SPTBN1: variants seen among roughly 807,000 people sequenced by gnomAD.
SPTBN1 encodes spectrin beta, non-erythrocytic 1, also known as spectrin beta chain, non-erythrocytic 1.
Under a neutral mutation model 266.4 loss-of-function variants are expected in SPTBN1, and 32 were observed. That is an observed-to-expected ratio of 0.12 (90% CI 0.09 to 0.16). SPTBN1 has a LOEUF of 0.16. Among genes scored for constraint, SPTBN1 ranks in the 10% least tolerant of loss-of-function variants. The pLI, the probability that SPTBN1 is intolerant of heterozygous loss-of-function variation, is 1.00. For synonymous variants in SPTBN1, 1,336 were observed against 1,162.2 expected, an observed-to-expected ratio of 1.15 and a Z score of -3.04; for missense variants, 2,296 against 3,067.1, an observed-to-expected ratio of 0.75 and a Z score of 5.94.
chr2:54,495,741 T>C (rs1475564804), intron 1 of SPTBN1, among the ~76,000 whole-genome samples: 1 of 152,168 alleles, frequency 6.6e-6, no homozygotes, highest in Non-Finnish European at 1.5e-5. Context: ...TCATTGTTTT[T>C]ATTTGATGCA....
chr2:54,487,524 G>A (rs550817771), intron 1 of SPTBN1, among the ~76,000 whole-genome samples: 1 of 152,070 alleles, frequency 6.6e-6, no homozygotes, highest in African/African-American at 2.4e-5. Flanking sequence ...AGCCTTCCCT[G>A]ATTTTCAGCC....
chr2:54,503,148 G>T (rs1380373010), intron 1 of SPTBN1, among the ~76,000 whole-genome samples: 4 of 152,088 alleles, frequency 2.6e-5, no homozygotes, highest in Non-Finnish European at 4.4e-5. Context: ...CTTATTTTTG[G>T]TCATCCATTC....
intron 2 of SPTBN1, among the ~76,000 whole-genome samples, chr2:54,559,887 A>T (rs1035844463): frequency 3.3e-5 from 5 of 152,134 alleles, no homozygotes; most frequent in South Asian, 4.1e-4. Context: ...TCAGCCCTAG[A>T]ATGTTTTTCA....
chr2:54,625,000 G>A, intron 11 of SPTBN1, 38 bp downstream of exon 11: 1 of 1,535,868 alleles, frequency 6.5e-7, no homozygotes, highest in Non-Finnish European at 8.7e-7. Flanking sequence ...CTGTTGCTAG[G>A]GTAATCTAGA....
intron 17 of SPTBN1, among the ~76,000 whole-genome samples, chr2:54,636,452 T>G (rs2103979243): frequency 6.6e-6 from 1 of 152,350 alleles, no homozygotes; most frequent in South Asian, 2.1e-4. Context: ...GGCAGAGGGC[T>G]TTTCCCTTTG....
At chr2:54,591,037 C>A (rs1385124103) in intron 2 of SPTBN1, among the ~76,000 whole-genome samples, 1 of 152,164 alleles carries the variant, frequency 6.6e-6, no homozygotes, top group African/African-American at 2.4e-5. Context: ...TCAAAACACG[C>A]AAAAATAGAT....
chr2:54,628,373 A>C lies in SPTBN1; in HGVS notation c.1798+123A>C. The stretch of plus-strand genomic sequence containing the variant: ...TTCCTGGTGGGTTTGTCATGGGAGC[A>C]TGAAATACGGTGGAGTGGCCTTCTG... On this transcript the variant is annotated intron_variant, in intron 13 of 35. Coordinates refer to ENST00000356805, the MANE Select transcript of SPTBN1 (RefSeq NM_003128.3). This position sits in a 1 kb window ranked among gnomAD's most constrained non-coding sequence, Gnocchi z 4.3. 1.6e-6 allele frequency: 2 copies of C among 1,255,600 alleles called. No homozygotes were observed. Among genetic ancestry groups the C allele is most frequent in the East Asian group, 2.8e-5 (1 of 35,536 alleles). The allele number at this position is 1,255,600 out of a possible 1,614,324, so 77.8% of individuals were successfully genotyped here.
chr2:54,614,777 T>G (rs566235249), intron 4 of SPTBN1, among the ~76,000 whole-genome samples: 2 of 150,422 alleles, frequency 1.3e-5, no homozygotes, highest in African/African-American at 2.5e-5. Flanking sequence ...CACTCCAGCC[T>G]GGGCGACAGA....
Position 54,657,923 on chromosome 2 carries a change from A to G in SPTBN1, c.6120A>G (p.Leu2040=), listed in dbSNP as rs879204848. The G allele has an allele frequency of 4.2e-5, 68 of 1,614,112 alleles. No individual in the cohort carries two copies. The highest frequency in any genetic ancestry group is 5.4e-5 in the Non-Finnish European group (64 of 1,180,048). Residue 2040 remains leucine (L), a synonymous_variant, in exon 30 of 36, where the codon CTA becomes CTG. Transcript: ENST00000356805. ...GGCTGCTTGGACAGGAGCCGTACCTATCCAGCCGAGAGATAGGCCAGAGCG... is the reference window on the plus strand; with the variant it reads ...GGCTGCTTGGACAGGAGCCGTACCTGTCCAGCCGAGAGATAGGCCAGAGCG... ...EAWLLGQEPY[L]SSREIGQSVD...
chr2:54,544,268 C>T (rs1323051989), intron 2 of SPTBN1, among the ~76,000 whole-genome samples: 2 of 152,176 alleles, frequency 1.3e-5, no homozygotes, highest in African/African-American at 2.4e-5. Context: ...CTTTGACCTG[C>T]CTTTTCCAAC....
intron 1 of SPTBN1, among the ~76,000 whole-genome samples, chr2:54,468,857 G>C (rs1693775365): frequency 6.6e-6 from 1 of 152,150 alleles, no homozygotes; most frequent in Admixed American, 6.5e-5. Context: ...TTACTTTTGT[G>C]TTCTGATTTC....
In SPTBN1 at chr2:54,558,752, G is replaced by T; in HGVS notation, c.148+32186G>T. 6.2e-7 allele frequency: 1 copy of T among 1,605,666 alleles called. No homozygotes were observed. The highest frequency in any genetic ancestry group is 8.5e-7 in the Non-Finnish European group (1 of 1,174,570). ...GCTGGAGCGAGATTTCCAGGGCGCAGTCCTCCGGGGCGTTACGCCGGGCAT... is the reference window on the plus strand; with the variant it reads ...GCTGGAGCGAGATTTCCAGGGCGCATTCCTCCGGGGCGTTACGCCGGGCAT... On this transcript the variant is annotated intron_variant, in intron 2 of 35. Coordinates refer to ENST00000356805, the MANE Select transcript of SPTBN1 (RefSeq NM_003128.3). The surrounding 1 kb of genome is among the most constrained non-coding windows in gnomAD (Gnocchi z 4.6).
chr2:54,516,172 A>T (rs901223977), intron 1 of SPTBN1: 1 of 152,224 alleles, frequency 6.6e-6, no homozygotes, highest in African/African-American at 2.4e-5. Context: ...CTTTGGAGTC[A>T]TACCCACTTG....
At chr2:54,617,715 A>G (rs772351325) in intron 6 of SPTBN1, 27 bp downstream of exon 6, 25 of 1,609,762 alleles carry the variant, frequency 1.6e-5, no homozygotes, top group African/African-American at 1.3e-5. Flanking sequence ...CATCCTAGCA[A>G]TCGTGGGGTA....
intron 1 of SPTBN1, among the ~76,000 whole-genome samples, chr2:54,520,688 G>C (rs936360726): frequency 1.6e-5 from 2 of 121,706 alleles, no homozygotes; most frequent in Non-Finnish European, 3.2e-5. Context: ...CAATAGAGAA[G>C]AGCAGGGAAA....
intron 1 of SPTBN1, among the ~76,000 whole-genome samples, chr2:54,489,749 T>G (rs1668590107): frequency 6.6e-6 from 1 of 152,198 alleles, no homozygotes; most frequent in South Asian, 2.1e-4. Context: ...TGATGACAGT[T>G]GCAGATGATT....
At chr2:54,622,627 C>G (rs1302422263) in intron 9 of SPTBN1, 140 bp downstream of exon 9, 1 of 964,210 alleles carries the variant, frequency 1.0e-6, no homozygotes, top group African/African-American at 1.7e-5. Flanking sequence ...TTTCATCTGA[C>G]TCTGTTTTGC....
chr2:54,494,804 C>T (rs923401481), intron 1 of SPTBN1, among the ~76,000 whole-genome samples: 1 of 151,986 alleles, frequency 6.6e-6, no homozygotes, highest in African/African-American at 2.4e-5. Flanking sequence ...TGGGTATGCT[C>T]ATTTTGTTGA....
rs1679869220 is a variant in SPTBN1, at chr2:54,645,563, T to G, written c.4494+110T>G. 1 of 1,179,272 alleles carries G rather than the reference T, an allele frequency of 8.5e-7. No homozygotes were observed. Among genetic ancestry groups the G allele is most frequent in the South Asian group, 1.5e-5 (1 of 67,454 alleles). The allele number at this position is 1,179,272 out of a possible 1,614,324, so 73.1% of individuals were successfully genotyped here. A position where few individuals can be genotyped will look rare whatever the true frequency, so the allele number is the denominator to read the frequency against. ...CTCACCTTGGGCCACGTTGGCAAGCTGAGCTGCCAAAGTCCACGCTCTGGA... is the reference window on the plus strand; with the variant it reads ...CTCACCTTGGGCCACGTTGGCAAGCGGAGCTGCCAAAGTCCACGCTCTGGA... On this transcript the variant is annotated intron_variant, in intron 21 of 35. Coordinates refer to ENST00000356805, the MANE Select transcript of SPTBN1 (RefSeq NM_003128.3). The surrounding 1 kb of genome is among the most constrained non-coding windows in gnomAD (Gnocchi z 4.3).
Sources: gnomAD v4.1 joint callset for allele counts (sites outside exome capture counted in the v4.1 genomes callset) on GRCh38, gnomAD v4.1.1 for gene constraint, Gnocchi (gnomAD v3.1) non-coding constraint, MANE v1.5 for transcripts, NCBI Gene and HGNC (gene_info 2026-07-23, HGNC 2026-07-21) for gene names.